The following GATB variants were observed in gnomAD, a reference collection of about 807,000 sequenced individuals.
The protein encoded by GATB is glutamyl-tRNA amidotransferase subunit B, also known as glutamyl-tRNA(Gln) amidotransferase subunit B, mitochondrial.
GATB carries 39 observed loss-of-function variants against 62.3 expected under a neutral mutation model. That is an observed-to-expected ratio of 0.63 (90% CI 0.48 to 0.82). GATB has a LOEUF of 0.82. Among genes scored for constraint, GATB ranks in the 40% least tolerant of loss-of-function variants. The pLI is 0.00. For missense variants in GATB, 670 were observed against 684.0 expected, an observed-to-expected ratio of 0.98 and a Z score of 0.23; for synonymous variants, 276 against 258.9, an observed-to-expected ratio of 1.07 and a Z score of -0.63.
chr4:151,680,549 G>C (rs565756485), intron 10 of GATB, among the ~76,000 whole-genome samples: 3 of 152,306 alleles, frequency 2.0e-5, no homozygotes, highest in African/African-American at 7.2e-5. Context: ...GGGCATCCAA[G>C]CATAGTGAAA....
chr4:151,741,201 A>T (rs1031485758), intron 2 of GATB, among the ~76,000 whole-genome samples: 1 of 152,180 alleles, frequency 6.6e-6, no homozygotes, highest in Admixed American at 6.5e-5. Flanking sequence ...ATTAACAACA[A>T]TAATAAAAAA....
intron 9 of GATB, among the ~76,000 whole-genome samples, chr4:151,690,098 C>A (rs1738332420): frequency 6.6e-6 from 1 of 152,116 alleles, no homozygotes; most frequent in Non-Finnish European, 1.5e-5. Context: ...TTTCAGAGAC[C>A]CTTCATTAAC....
At position 151,680,873 on chromosome 4, in the gene GATB, T is replaced by A. The variant is rs1199931707; in HGVS notation, c.1332-982A>T. Among the ~76,000 whole-genome samples, 5 of 152,316 alleles carry A rather than the reference T, an allele frequency of 3.3e-5. No homozygotes were observed. In the East Asian group the frequency reaches 9.6e-4, roughly 29 times the overall value. On this transcript the variant is annotated intron_variant, in intron 10 of 12. Coordinates refer to ENST00000263985, the MANE Select transcript of GATB (RefSeq NM_004564.3). Reference sequence around the variant, plus strand: ...TCGTCAATGCTCAAAAAGTTTTAGATTTTGAAGCATTTTGGATTTCCAGGT... The same window carrying A: ...TCGTCAATGCTCAAAAAGTTTTAGAATTTGAAGCATTTTGGATTTCCAGGT...
At chr4:151,715,328 C>T (rs528799560) in intron 5 of GATB, among the ~76,000 whole-genome samples, 9 of 152,256 alleles carry the variant, frequency 5.9e-5, no homozygotes, top group East Asian at 1.9e-4. Flanking sequence ...CTACCCTTTA[C>T]GGACTTATGG....
chr4:151,716,239 G>A (rs374430639), intron 4 of GATB, 108 bp from the exon 5 acceptor site: 1 of 1,143,930 alleles, frequency 8.7e-7, no homozygotes, highest in East Asian at 2.8e-5. Context: ...GACTCTCAGA[G>A]TGGTTCTAGC....
At chr4:151,732,013 G>A (rs1739271398) in intron 2 of GATB, among the ~76,000 whole-genome samples, 1 of 138,784 alleles carries the variant, frequency 7.2e-6, no homozygotes, top group Non-Finnish European at 1.5e-5. Flanking sequence ...GAGGTGGGGG[G>A]TCAGCCCCCG....
intron 2 of GATB, among the ~76,000 whole-genome samples, chr4:151,749,951 G>A (rs536369972): frequency 2.0e-5 from 3 of 151,838 alleles, no homozygotes; most frequent in South Asian, 2.1e-4. Flanking sequence ...GCGCTATCTC[G>A]GCTCACTGCA....
In GATB at chr4:151,672,652, G is replaced by A. The variant is rs1284805022; in HGVS notation, c.1545+110C>T. 15 of 1,118,456 alleles carry A rather than the reference G, an allele frequency of 1.3e-5. No individual in the cohort carries two copies. In the Admixed American group the frequency reaches 3.6e-4, roughly 27 times the overall value. The allele number at this position is 1,118,456 out of a possible 1,614,324, so 69.3% of individuals were successfully genotyped here. On this transcript the variant is annotated intron_variant, in intron 12 of 12. Transcript: ENST00000263985. ...AGTGAGGGAATTATTGATGAAACTG[G>A]GTCAGCCATTCTTAGGAAGAGCCTC...
chr4:151,672,525 G>A (rs1737896539), intron 12 of GATB: 1 of 511,654 alleles, frequency 2.0e-6, no homozygotes, highest in Non-Finnish European at 3.5e-6. Flanking sequence ...CACCTCCATG[G>A]AGAGTAAACT....
Position 151,760,890 on chromosome 4 carries a change from C to T in GATB, c.93G>A (p.Pro31=), listed in dbSNP as rs1739941853. The T allele has an allele frequency of 5.0e-6, 8 of 1,613,946 alleles. No individual in the cohort carries two copies. The South Asian group carries it at 5.5e-5, about 11-fold the overall frequency. ...TAATCTGGTTGGATGTGGACCCAGT[C>T]GGAGCCCCTCTTCGGTGGCAAGAAC... ...DGGSCHRRGA[P]TGSTSNQIRG... Residue 31 remains proline (P), a synonymous_variant, in exon 1 of 13, where the codon CCG becomes CCA. Transcript: ENST00000263985.
intron 2 of GATB, among the ~76,000 whole-genome samples, chr4:151,756,917 T>C (rs115377560): frequency 0.013 from 1,926 of 152,284 alleles, 39 homozygotes; most frequent in African/African-American, 0.044. Context: ...CTGATAGCCA[T>C]CACATTCACA....
At chr4:151,699,635 C>T (rs1401466934) in intron 9 of GATB, among the ~76,000 whole-genome samples, 1 of 152,134 alleles carries the variant, frequency 6.6e-6, no homozygotes, top group African/African-American at 2.4e-5. Flanking sequence ...GTCCCCATCA[C>T]CGCTCATGAA....
chr4:151,707,182 C>A (rs1021576679), intron 6 of GATB, among the ~76,000 whole-genome samples: 2 of 152,206 alleles, frequency 1.3e-5, no homozygotes, highest in African/African-American at 4.8e-5. Flanking sequence ...AAATCTCAAG[C>A]TGGTCAGAAA....
intron 10 of GATB, among the ~76,000 whole-genome samples, chr4:151,680,433 C>G (rs929956238): frequency 6.6e-6 from 1 of 152,228 alleles, no homozygotes; most frequent in Admixed American, 6.5e-5. Context: ...TAACTCTCTT[C>G]TCCAGGCTCA....
At chr4:151,687,259 C>A (rs1026901479) in intron 10 of GATB, among the ~76,000 whole-genome samples, 1 of 152,202 alleles carries the variant, frequency 6.6e-6, no homozygotes, top group African/African-American at 2.4e-5. Context: ...TGGTTAGCCC[C>A]GTGGGGGTGA....
Position 151,705,377 on chromosome 4 carries a change from AT to A in GATB, c.878-109del, listed in dbSNP as rs1187127038. ...AATCTCTAAGTTAAAAAAAAAAAAAATCAAGAAGATTGTTTATAATAATCCT... is the reference window on the plus strand; with the variant it reads ...AATCTCTAAGTTAAAAAAAAAAAAAACAAGAAGATTGTTTATAATAATCCT... On this transcript the variant is annotated intron_variant, in intron 6 of 12. Transcript: ENST00000263985. The A allele has an allele frequency of 1.1e-5, 7 of 657,028 alleles. No homozygotes were observed. In the Admixed American group the frequency reaches 1.4e-4, roughly 13 times the overall value. 40.7% of individuals were successfully genotyped at this position (657,028 alleles called of 1,614,324 possible). A position where few individuals can be genotyped will look rare whatever the true frequency, so the allele number is the denominator to read the frequency against.
Position 151,671,062 on chromosome 4 carries a change from G to T in GATB, c.*112C>A. On this transcript the variant is annotated 3_prime_UTR_variant, in exon 13 of 13. Coordinates refer to ENST00000263985, the MANE Select transcript of GATB (RefSeq NM_004564.3). ...AATGCCATAGCTGTGGCTTGGGACA[G>T]GGATTGAGAGGCAGCTCTCAGGGCA... The T allele has an allele frequency of 8.4e-7, 1 of 1,191,630 alleles. No homozygotes were observed. The highest frequency in any genetic ancestry group is 1.2e-6 in the Non-Finnish European group (1 of 821,486). The allele number at this position is 1,191,630 out of a possible 1,614,324, so 73.8% of individuals were successfully genotyped here.
At position 151,716,869 on chromosome 4, in the gene GATB, A is replaced by G; in HGVS notation, c.640+7T>C. Reference sequence around the variant, plus strand: ...AAGGAGAAATAATGAAAACACTCCAAGCCTACCTGCCCTGTTCAAATCAAT... The same window carrying G: ...AAGGAGAAATAATGAAAACACTCCAGGCCTACCTGCCCTGTTCAAATCAAT... On this transcript the variant is annotated splice_region_variant and intron_variant, in intron 4 of 12. Transcript: ENST00000263985. 1 of 1,613,790 alleles carries G rather than the reference A, an allele frequency of 6.2e-7. No homozygotes were observed. Among genetic ancestry groups the G allele is most frequent in the Admixed American group, 1.7e-5 (1 of 60,018 alleles).
chr4:151,740,002 T>G (rs1324343447), intron 2 of GATB, among the ~76,000 whole-genome samples: 1 of 152,192 alleles, frequency 6.6e-6, no homozygotes, highest in Non-Finnish European at 1.5e-5. Context: ...AGCCTGCAGT[T>G]TTGGAAAGCT....
Sources: gnomAD v4.1 joint callset for allele counts (sites outside exome capture counted in the v4.1 genomes callset) on GRCh38, gnomAD v4.1.1 for gene constraint, MANE v1.5 for transcripts, NCBI Gene and HGNC (gene_info 2026-07-23, HGNC 2026-07-21) for gene names.